RBFOX1: variants seen among roughly 807,000 people sequenced by gnomAD.
RBFOX1 encodes RNA binding fox-1 homolog 1.
In RBFOX1, 8 loss-of-function variants were observed where a neutral mutation model predicts 57.7. The observed-to-expected ratio is 0.14, with a 90% CI of 0.08 to 0.25. The LOEUF (loss-of-function observed/expected upper bound fraction) is 0.25, where lower values mean the gene tolerates loss of function less well. Among genes scored for constraint, RBFOX1 ranks in the 10% least tolerant of loss-of-function variants. The probability of loss-of-function intolerance (pLI) is 1.00; values close to 1 mark genes in which losing one functional copy is unlikely to be tolerated. For missense variants in RBFOX1, 611 were observed against 548.5 expected, an observed-to-expected ratio of 1.11 and a Z score of -1.14; for synonymous variants, 326 against 222.4, an observed-to-expected ratio of 1.47 and a Z score of -4.15.
At chr16:6,216,261 C>T (rs1283625718) in intron 1 of RBFOX1, among the ~76,000 whole-genome samples, 5 of 152,026 alleles carry the variant, frequency 3.3e-5, no homozygotes, top group Non-Finnish European at 2.9e-5. Context: ...CAAACCTGCA[C>T]ATATACCCCT....
rs184875600 is a variant in RBFOX1 at position 5,243,805 on chromosome 16, G to C, written c.219+3700G>C. On this transcript the variant is annotated intron_variant, in intron 1 of 2. Transcript: ENST00000585867. The stretch of plus-strand genomic sequence containing the variant: ...ACTCAGTTTTCTCATCTATAAAATG[G>C]AGATAAATGAGATACACTTTCATAG... 4.1e-3 allele frequency among the ~76,000 whole-genome samples: 621 copies of C among 152,282 alleles called. 5 individuals carry two copies. Among genetic ancestry groups the C allele is most frequent in the African/African-American group, 0.014 (588 of 41,536 alleles).
intron 4 of RBFOX1, among the ~76,000 whole-genome samples, chr16:7,354,273 A>C (rs1202374252): frequency 6.6e-6 from 1 of 152,136 alleles, no homozygotes; most frequent in Non-Finnish European, 1.5e-5. Flanking sequence ...GCTTGGCCCG[A>C]ATTGTATATT....
intron 4 of RBFOX1, among the ~76,000 whole-genome samples, chr16:7,151,660 A>G (rs1211808860): frequency 1.3e-5 from 2 of 152,138 alleles, no homozygotes; most frequent in South Asian, 2.1e-4. Flanking sequence ...TATTTCTATT[A>G]TTATTACATT....
intron 4 of RBFOX1, among the ~76,000 whole-genome samples, chr16:7,190,550 C>G (rs752709062): frequency 6.6e-6 from 1 of 151,324 alleles, no homozygotes; most frequent in Non-Finnish European, 1.5e-5. Context: ...TGGAGAGTGA[C>G]CTAAGTTAGA....
intron 3 of RBFOX1, among the ~76,000 whole-genome samples, chr16:5,691,290 G>A (rs1168804831): frequency 6.6e-6 from 1 of 152,196 alleles, no homozygotes; most frequent in African/African-American, 2.4e-5. Flanking sequence ...CAGAAACATT[G>A]TATGCGGTAC....
chr16:7,625,358 G>T (rs1026670626), intron 10 of RBFOX1, among the ~76,000 whole-genome samples: 17 of 152,108 alleles, frequency 1.1e-4, no homozygotes, highest in Non-Finnish European at 2.4e-4. Flanking sequence ...AAAAGAGATG[G>T]TTTGGGGGTG....
chr16:6,484,203 C>T (rs185177029), intron 2 of RBFOX1, among the ~76,000 whole-genome samples: 130 of 152,278 alleles, frequency 8.5e-4, no homozygotes, highest in Non-Finnish European at 1.1e-3. Flanking sequence ...GCAAGAGATG[C>T]GCGGCTCTGG....
At chr16:6,394,950 C>T (rs967710047) in intron 2 of RBFOX1, among the ~76,000 whole-genome samples, 1 of 152,164 alleles carries the variant, frequency 6.6e-6, no homozygotes, top group South Asian at 2.1e-4. Context: ...TACATTTGGT[C>T]TTCTCTCCAA....
chr16:7,519,771 A>G, intron 5 of RBFOX1: 1 of 952,060 alleles, frequency 1.1e-6, no homozygotes, highest in South Asian at 4.8e-5. Flanking sequence ...GTATTTGTGA[A>G]GGAGTTTATG....
intron 2 of RBFOX1, among the ~76,000 whole-genome samples, chr16:6,335,847 G>C (rs902162197): frequency 8.7e-5 from 13 of 149,680 alleles, no homozygotes; most frequent in African/African-American, 2.9e-4. Context: ...TGGAAAATCT[G>C]TAGTAAAGTC....
At chr16:7,416,852 C>A (rs57551025) in intron 4 of RBFOX1, among the ~76,000 whole-genome samples, 1 of 151,896 alleles carries the variant, frequency 6.6e-6, no homozygotes, top group Non-Finnish European at 1.5e-5. Flanking sequence ...GCACGTAACA[C>A]ATATTATCTC....
intron 4 of RBFOX1, among the ~76,000 whole-genome samples, chr16:7,407,869 A>G (rs1443012690): frequency 1.3e-5 from 2 of 152,038 alleles, no homozygotes; most frequent in Admixed American, 6.6e-5. Context: ...CCTGCGGACT[A>G]TTTTCCTAGA....
At chr16:5,798,284 A>G (rs936831264) in intron 3 of RBFOX1, among the ~76,000 whole-genome samples, 2 of 152,350 alleles carry the variant, frequency 1.3e-5, no homozygotes, top group South Asian at 2.1e-4. Flanking sequence ...TTGGCCTCAC[A>G]TAATTCAAAC....
intron 3 of RBFOX1, among the ~76,000 whole-genome samples, chr16:5,692,131 C>T (rs2050700741): frequency 6.6e-6 from 1 of 151,408 alleles, no homozygotes; most frequent in African/African-American, 2.4e-5. Flanking sequence ...TAGGCAAATT[C>T]ACAAATACCA....
chr16:5,422,830 A>G, intron 1 of RBFOX1, among the ~76,000 whole-genome samples: 1 of 116,318 alleles, frequency 8.6e-6, no homozygotes, highest in Non-Finnish European at 1.8e-5. Flanking sequence ...TGGGAGGAGG[A>G]GGGAGGAGCA....
intron 4 of RBFOX1, among the ~76,000 whole-genome samples, chr16:7,282,942 A>G (rs1462222768): frequency 6.6e-6 from 1 of 152,062 alleles, no homozygotes; most frequent in Admixed American, 6.5e-5. Flanking sequence ...GTAGTCCATC[A>G]TGTGTGTGTG....
intron 4 of RBFOX1, among the ~76,000 whole-genome samples, chr16:7,492,236 T>G (rs1376934151): frequency 1.3e-5 from 2 of 152,210 alleles, no homozygotes; most frequent in Non-Finnish European, 1.5e-5. Context: ...ATAAGAATGT[T>G]GTAAAAATTC....
chr16:5,374,064 C>A, intron 1 of RBFOX1, among the ~76,000 whole-genome samples: 1 of 151,810 alleles, frequency 6.6e-6, no homozygotes, highest in East Asian at 1.9e-4. Flanking sequence ...ATTACAGGCA[C>A]CTGCCATCAT....
chr16:7,134,339 T>C (rs182354035), intron 4 of RBFOX1, among the ~76,000 whole-genome samples: 16 of 152,310 alleles, frequency 1.1e-4, no homozygotes, highest in African/African-American at 3.6e-4. Context: ...ATGATACTGC[T>C]CCAGTATATA....
Sources: allele counts gnomAD v4.1 joint callset (sites outside exome capture counted in the v4.1 genomes callset), GRCh38; gene constraint gnomAD v4.1.1; transcripts MANE v1.5; gene names NCBI Gene and HGNC (gene_info 2026-07-23, HGNC 2026-07-21).